BSPRY: variants seen among roughly 807,000 people sequenced by gnomAD.
BSPRY encodes the protein B box and SPRY domain-containing protein.
In BSPRY, 33 loss-of-function variants were observed where a neutral mutation model predicts 38.0. That is an observed-to-expected ratio of 0.87 (90% CI 0.66 to 1.16). The LOEUF is 1.16. BSPRY is among the 50% of genes most tolerant of loss of function. The pLI is 0.00. For synonymous variants in BSPRY, 224 were observed against 228.5 expected (o/e 0.98, Z 0.18); for missense variants, 523 against 533.2 (o/e 0.98, Z 0.19).
At chr9:113,354,447 C>A in intron 2 of BSPRY, 109 bp downstream of exon 2, 3 of 800,560 alleles carry the variant, frequency 3.7e-6, no homozygotes, top group Non-Finnish European at 6.2e-6. Context: ...ACTCATTGTG[C>A]TACTAGCAAA....
At chr9:113,361,871 G>A (rs569203683) in intron 3 of BSPRY, among the ~76,000 whole-genome samples, 10 of 152,204 alleles carry the variant, frequency 6.6e-5, no homozygotes, top group Non-Finnish European at 1.3e-4. Context: ...TGAGTCACAA[G>A]CAGAGGAAAG....
At position 113,362,295 on chromosome 9, in the gene BSPRY, G is replaced by A. The variant is rs977434054; in HGVS notation, c.532-74G>A. 7.1e-6 allele frequency: 11 copies of A among 1,539,736 alleles called. No individual in the cohort carries two copies. In the African/African-American group the frequency reaches 1.4e-4, roughly 19 times the overall value. On this transcript the variant is annotated intron_variant, in intron 3 of 5. Coordinates refer to ENST00000374183, the MANE Select transcript of BSPRY (RefSeq NM_017688.3). ...AGTCCACATGGAGCCCTTTCTGGTA[G>A]TTAAATCTGTCTTAGCATTGACTCC... is the stretch of plus-strand genomic sequence containing the variant.
In BSPRY at chr9:113,364,048, C is replaced by T. The variant is rs137876970; in HGVS notation, c.557+1654C>T. Among the ~76,000 whole-genome samples the T allele has an allele frequency of 7.5e-4, 114 of 151,222 alleles. 1 individual carries two copies. The East Asian group carries it at 0.021, about 27-fold the overall frequency. On this transcript the variant is annotated intron_variant, in intron 4 of 5. Coordinates refer to ENST00000374183, the MANE Select transcript of BSPRY (RefSeq NM_017688.3). ...TAAAAATACAAAAATTAGCTAGGTG[C>T]GGTAGCGTACCCCTGTAATCTCAGT...
rs1167233391 is a variant in BSPRY at position 113,349,695 on chromosome 9, C to G, written c.116C>G (p.Pro39Arg). ...LSWFCGSERRPVCAACAGLGG... is the reference protein window; with the variant it reads ...LSWFCGSERRRVCAACAGLGG... ...TGGTTCTGCGGCTCCGAGCGACGGC[C>G]CGTGTGCGCCGCCTGCGCGGGGTTG... Residue 39 changes from proline (P) to arginine (R), a missense_variant, in exon 1 of 6, where the codon CCC (proline) becomes CGC (arginine). By Grantham distance (103) the Pro-to-Arg change is moderately radical. Transcript: ENST00000374183. The G allele has an allele frequency of 8.1e-7, 1 of 1,237,858 alleles. No homozygotes were observed. The highest frequency in any genetic ancestry group is 1.0e-6 in the Non-Finnish European group (1 of 991,522). 76.7% of individuals were successfully genotyped at this position (1,237,858 alleles called of 1,614,324 possible). A position where few individuals can be genotyped will look rare whatever the true frequency, so the allele number is the denominator to read the frequency against.
chr9:113,354,346 C>G lies in BSPRY; in HGVS notation c.300+8C>G, dbSNP rs10981763. The G allele has an allele frequency of 0.44, 701,968 of 1,610,252 alleles. 154,890 individuals carry two copies. Among genetic ancestry groups the G allele is most frequent in the South Asian group, 0.53 (47,776 of 90,982 alleles). ...AAGAATCAAAGAGCAGTGGTAATTC[C>G]TCTTCTTTCCTCTCTACTCAGCCCC... On this transcript the variant is annotated splice_region_variant and intron_variant, in intron 2 of 5. Transcript: ENST00000374183.
intron 2 of BSPRY, among the ~76,000 whole-genome samples, chr9:113,357,259 C>T (rs966794943): frequency 3.3e-5 from 5 of 152,184 alleles, no homozygotes; most frequent in Non-Finnish European, 7.3e-5. Context: ...ATTTATTTAA[C>T]TATCTTATCA....
Position 113,370,268 on chromosome 9 carries a change from A to G in BSPRY, c.*126A>G, listed in dbSNP as rs548174208. 2 of 1,146,604 alleles carry G rather than the reference A, an allele frequency of 1.7e-6. No individual in the cohort carries two copies. Among genetic ancestry groups the G allele is most frequent in the Admixed American group, 2.9e-5 (1 of 34,286 alleles). The allele number at this position is 1,146,604 out of a possible 1,614,324, so 71.0% of individuals were successfully genotyped here. ...GAAACAGGGCCCATAACCAGTGGGCAGCTTTAGGAGGGATGGGGATCTGTT... is the reference window on the plus strand; with the variant it reads ...GAAACAGGGCCCATAACCAGTGGGCGGCTTTAGGAGGGATGGGGATCTGTT... On this transcript the variant is annotated 3_prime_UTR_variant, in exon 6 of 6. Transcript: ENST00000374183. The surrounding 1 kb of genome is among the most constrained non-coding windows in gnomAD (Gnocchi z 4.8).
chr9:113,370,309 A>C lies in BSPRY; in HGVS notation c.*167A>C, dbSNP rs1470414560. ...GGGATCTGTTTCAGATCTAGGCATAACCTGTAAATCACAGGTGTCCAAACT... is the reference window on the plus strand; with the variant it reads ...GGGATCTGTTTCAGATCTAGGCATACCCTGTAAATCACAGGTGTCCAAACT... On this transcript the variant is annotated 3_prime_UTR_variant, in exon 6 of 6. Coordinates refer to ENST00000374183, the MANE Select transcript of BSPRY (RefSeq NM_017688.3). This position sits in a 1 kb window ranked among gnomAD's most constrained non-coding sequence, Gnocchi z 4.8. 5 of 766,130 alleles carry C rather than the reference A, an allele frequency of 6.5e-6. No individual in the cohort carries two copies. Among genetic ancestry groups the C allele is most frequent in the Non-Finnish European group, 9.5e-6 (5 of 528,328 alleles). 47.5% of individuals were successfully genotyped at this position (766,130 alleles called of 1,614,324 possible). A position where few individuals can be genotyped will look rare whatever the true frequency, so the allele number is the denominator to read the frequency against.
At chr9:113,362,808 C>G (rs1051444744) in intron 4 of BSPRY, among the ~76,000 whole-genome samples, 2 of 152,198 alleles carry the variant, frequency 1.3e-5, no homozygotes, top group Non-Finnish European at 2.9e-5. Context: ...TCTCCTTTCC[C>G]TGATGGAGGA....
chr9:113,358,264 A>C (rs1002744585), intron 2 of BSPRY, among the ~76,000 whole-genome samples: 16 of 151,172 alleles, frequency 1.1e-4, no homozygotes, highest in African/African-American at 3.4e-4. Context: ...CAAAAAATAA[A>C]AACCTCTTTT....
intron 2 of BSPRY, among the ~76,000 whole-genome samples, chr9:113,354,765 A>G (rs1434971109): frequency 6.6e-6 from 1 of 152,210 alleles, no homozygotes; most frequent in African/African-American, 2.4e-5. Flanking sequence ...TGACCTGTCC[A>G]AGGACCCCAT....
Position 113,360,609 on chromosome 9 carries a change from G to A in BSPRY, c.403G>A (p.Glu135Lys), listed in dbSNP as rs767724502. The A allele has an allele frequency of 4.4e-6, 7 of 1,608,712 alleles. No homozygotes were observed. The highest frequency in any genetic ancestry group is 5.9e-6 in the Non-Finnish European group (7 of 1,178,668). The change falls in exon 3 of 6, where the codon GAA becomes AAA. Residue 135 changes from glutamate (E) to lysine (K), a missense_variant. By Grantham distance (56) the Glu-to-Lys change is moderately conservative (BLOSUM62 1). Transcript: ENST00000374183. Reference sequence around the variant, plus strand: ...GCGGTTACTGGAACAGGTGCATGGCGAAGAGGAGCGGGCCCACCAGAGCAT... The same window carrying A: ...GCGGTTACTGGAACAGGTGCATGGCAAAGAGGAGCGGGCCCACCAGAGCAT... The part of the protein sequence containing the change: ...EQRLLEQVHG[E>K]EERAHQSILT...
chr9:113,369,997 G>C lies in BSPRY; in HGVS notation c.1064G>C (p.Gly355Ala). ...CTGCTGCGGGGCCCAGCCCAGCTGG[G>C]TGTAGTGCTGGACTTGCAGGTTCAG... is the stretch of plus-strand genomic sequence containing the variant. ...LGLLRGPAQL[G>A]VVLDLQVQEL... Residue 355 changes from glycine (G) to alanine (A), a missense_variant, in exon 6 of 6, where the codon GGT (glycine) becomes GCT (alanine). By Grantham distance (60) the Gly-to-Ala change is moderately conservative (BLOSUM62 0). Coordinates refer to ENST00000374183, the MANE Select transcript of BSPRY (RefSeq NM_017688.3). 1 of 1,614,158 alleles carries C rather than the reference G, an allele frequency of 6.2e-7. No homozygotes were observed. Among genetic ancestry groups the C allele is most frequent in the Non-Finnish European group, 8.5e-7 (1 of 1,180,044 alleles).
At chr9:113,351,298 A>G (rs192729805) in intron 1 of BSPRY, among the ~76,000 whole-genome samples, 30 of 152,194 alleles carry the variant, frequency 2.0e-4, no homozygotes, top group Non-Finnish European at 3.5e-4. Context: ...CTTCCACCAA[A>G]TTAGAGTAGA....
intron 2 of BSPRY, among the ~76,000 whole-genome samples, chr9:113,358,084 C>CA (rs1355016269): frequency 1.3e-5 from 2 of 149,488 alleles, no homozygotes; most frequent in Admixed American, 1.3e-4. Context: ...CCTATCTCTA[C>CA]AAAAAATTAA....
chr9:113,363,876 CAAAAAAAAAAAAAA>C (rs57026104), intron 4 of BSPRY, among the ~76,000 whole-genome samples: 2,639 of 37,578 alleles, frequency 0.07, 83 homozygotes, highest in African/African-American at 0.15. Flanking sequence ...GACTCCACCT[CAAAAAAAAAAAAAA>C]AAAAAAAAAA....
chr9:113,353,703 A>C (rs574020023), intron 1 of BSPRY, among the ~76,000 whole-genome samples: 41 of 152,292 alleles, frequency 2.7e-4, no homozygotes, highest in African/African-American at 9.9e-4. Flanking sequence ...ACTCTGCCTC[A>C]AAAAATAAAT....
rs762404330 is a variant in BSPRY at position 113,354,288 on chromosome 9, A to C, written c.250A>C (p.Ile84Leu). 6.2e-7 allele frequency: 1 copy of C among 1,614,206 alleles called. No individual in the cohort carries two copies. The highest frequency in any genetic ancestry group is 1.1e-5 in the South Asian group (1 of 91,086). ...GAGGCTGCAGTTACAGAGTGCTGCC[A>C]TCACCAAGTATGTGGCGGACGTCCT... ...CERLQLQSAA[I>L]TKYVADVLPG... The change falls in exon 2 of 6, where the codon ATC becomes CTC. Residue 84 changes from isoleucine to leucine, a missense_variant. By Grantham distance (5) the Ile-to-Leu change is conservative (BLOSUM62 2). Coordinates refer to ENST00000374183, the MANE Select transcript of BSPRY (RefSeq NM_017688.3).
rs118021228 is a variant in BSPRY, at chr9:113,351,892, C to T, written c.201+2112C>T. On this transcript the variant is annotated intron_variant, in intron 1 of 5. Coordinates refer to ENST00000374183, the MANE Select transcript of BSPRY (RefSeq NM_017688.3). ...TGGTGCTATTTCAGCTCACTGCAAC[C>T]TCTGCTTCCTAGATTCAAGAGATTC... 7.2e-3 allele frequency among the ~76,000 whole-genome samples: 1,103 copies of T among 152,258 alleles called. 92 individuals carry two copies. The East Asian group carries it at 0.19, about 26-fold the overall frequency.
Sources: allele counts gnomAD v4.1 joint callset (sites outside exome capture counted in the v4.1 genomes callset), GRCh38; gene constraint gnomAD v4.1.1; non-coding constraint Gnocchi (gnomAD v3.1); transcripts MANE v1.5; gene names NCBI Gene and HGNC (gene_info 2026-07-23, HGNC 2026-07-21).